Variants in EML4 observed in about 807,000 individuals in gnomAD.
The protein encoded by EML4 is echinoderm microtubule-associated protein-like 4.
EML4 carries 72 observed loss-of-function variants against 129.0 expected under a neutral mutation model. That is an observed-to-expected ratio of 0.56 (90% confidence interval 0.46 to 0.68). The LOEUF is 0.68. EML4 is among the 30% of genes least tolerant of loss of function. The pLI is 0.00. For synonymous variants in EML4, 532 were observed against 405.0 expected (o/e 1.31, Z -3.77); for missense variants, 1,363 against 1,190.6 (o/e 1.14, Z -2.13).
chr2:42,322,877 G>T (rs1669592196), intron 19 of EML4, among the ~76,000 whole-genome samples: 1 of 152,154 alleles, frequency 6.6e-6, no homozygotes, highest in African/African-American at 2.4e-5. Context: ...TGGAATTGAT[G>T]CCAGGCAGAA....
intron 1 of EML4, among the ~76,000 whole-genome samples, chr2:42,171,437 G>T (rs1572819089): frequency 6.6e-6 from 1 of 152,208 alleles, no homozygotes; most frequent in South Asian, 2.1e-4. Flanking sequence ...TTTCTCACCA[G>T]TTGGGGCACT....
At chr2:42,266,869 A>G (rs980453256) in intron 6 of EML4, among the ~76,000 whole-genome samples, 3 of 152,212 alleles carry the variant, frequency 2.0e-5, no homozygotes, top group Non-Finnish European at 2.9e-5. Flanking sequence ...TATGAAATAT[A>G]AATTGAAATA....
chr2:42,172,514 G>C (rs1670341018), intron 1 of EML4, among the ~76,000 whole-genome samples: 2 of 152,152 alleles, frequency 1.3e-5, no homozygotes, highest in African/African-American at 4.8e-5. Flanking sequence ...AACAAGTGAA[G>C]AATTCTTTTA....
At chr2:42,247,357 C>A (rs1441290275) in intron 2 of EML4, among the ~76,000 whole-genome samples, 1 of 152,078 alleles carries the variant, frequency 6.6e-6, no homozygotes, top group Non-Finnish European at 1.5e-5. Context: ...GAATGGAAGA[C>A]CGTAGACATT....
chr2:42,284,918 C>T (rs766819329), intron 9 of EML4, among the ~76,000 whole-genome samples: 2 of 152,132 alleles, frequency 1.3e-5, no homozygotes, highest in Admixed American at 6.5e-5. Context: ...TAAGTGTTCT[C>T]CCTTAAGAAG....
chr2:42,314,735 C>G (rs1422118473), intron 17 of EML4, among the ~76,000 whole-genome samples: 4 of 152,222 alleles, frequency 2.6e-5, no homozygotes, highest in Non-Finnish European at 5.9e-5. Context: ...ATTCTTCCAA[C>G]CAGCTGTGCA....
At chr2:42,223,034 C>T (rs556570465) in intron 1 of EML4, among the ~76,000 whole-genome samples, 2 of 152,178 alleles carry the variant, frequency 1.3e-5, no homozygotes, top group South Asian at 4.1e-4. Context: ...CTCCTGACCT[C>T]GTGATCCGCC....
chr2:42,240,777 C>T (rs531931867), intron 1 of EML4, among the ~76,000 whole-genome samples: 1 of 152,158 alleles, frequency 6.6e-6, no homozygotes, highest in Non-Finnish European at 1.5e-5. Context: ...CTAATCATCC[C>T]AAGCCTGATG....
intron 2 of EML4, among the ~76,000 whole-genome samples, chr2:42,255,084 T>G (rs977494680): frequency 2.0e-5 from 3 of 151,904 alleles, no homozygotes; most frequent in Admixed American, 1.3e-4. Flanking sequence ...TTTTTGTTTT[T>G]TTTTTCTTTT....
rs1314344077 is a variant in EML4 at position 42,259,044 on chromosome 2, T to G, written c.339-2077T>G. Among the ~76,000 whole-genome samples the G allele has an allele frequency of 2.6e-5, 4 of 152,050 alleles. No individual in the cohort carries two copies. The East Asian group carries it at 5.8e-4, about 22-fold the overall frequency. ...GGCGAATCAGCTGAGGTCAGGAGTT[T>G]GAGACCAGTCTGGCCAACATGGTGT... On this transcript the variant is annotated intron_variant, in intron 3 of 22. Transcript: ENST00000318522.
chr2:42,239,007 A>G (rs1357150887), intron 1 of EML4, among the ~76,000 whole-genome samples: 1 of 152,164 alleles, frequency 6.6e-6, no homozygotes, highest in East Asian at 1.9e-4. Context: ...CGGCTCACGC[A>G]ATCATCCTGC....
At chr2:42,254,364 G>C (rs952073310) in intron 2 of EML4, among the ~76,000 whole-genome samples, 3 of 151,494 alleles carry the variant, frequency 2.0e-5, no homozygotes, top group Admixed American at 6.6e-5. Flanking sequence ...GGCTGAGGTA[G>C]ACAGATGGAT....
intron 1 of EML4, among the ~76,000 whole-genome samples, chr2:42,212,248 T>A (rs1036795790): frequency 6.6e-6 from 1 of 152,202 alleles, no homozygotes; most frequent in Non-Finnish European, 1.5e-5. Context: ...GATAAAAATG[T>A]TTTTGTTGAT....
intron 1 of EML4, among the ~76,000 whole-genome samples, chr2:42,210,410 G>T (rs913782711): frequency 6.6e-6 from 1 of 152,150 alleles, no homozygotes; most frequent in East Asian, 1.9e-4. Flanking sequence ...AAGTATATGT[G>T]AGCAACATGA....
rs145957094 is a variant in EML4 at position 42,246,491 on chromosome 2, A to G, written c.208+804A>G. On this transcript the variant is annotated intron_variant, in intron 2 of 22. Coordinates refer to ENST00000318522, the MANE Select transcript of EML4 (RefSeq NM_019063.5). Reference sequence around the variant, plus strand: ...TTAACCTAGGGAGGAGTTTTATATAACTCCCAAATTCTAGCTGAGTAGGAG... The same window carrying G: ...TTAACCTAGGGAGGAGTTTTATATAGCTCCCAAATTCTAGCTGAGTAGGAG... 2.6e-5 allele frequency among the ~76,000 whole-genome samples: 4 copies of G among 152,254 alleles called. No individual in the cohort carries two copies. In the East Asian group the frequency reaches 5.8e-4, roughly 22 times the overall value.
chr2:42,216,534 C>A (rs1673205152), intron 1 of EML4, among the ~76,000 whole-genome samples: 1 of 152,080 alleles, frequency 6.6e-6, no homozygotes, highest in Non-Finnish European at 1.5e-5. Flanking sequence ...AGCCACCAGG[C>A]CCGGCCCATT....
At chr2:42,196,880 G>A (rs893497252) in intron 1 of EML4, among the ~76,000 whole-genome samples, 8 of 152,108 alleles carry the variant, frequency 5.3e-5, no homozygotes, top group African/African-American at 1.9e-4. Context: ...TCTACTGTGG[G>A]AAAGAGAAGG....
At chr2:42,258,179 T>A (rs1665468696) in intron 3 of EML4, among the ~76,000 whole-genome samples, 1 of 152,128 alleles carries the variant, frequency 6.6e-6, no homozygotes, top group South Asian at 2.1e-4. Flanking sequence ...TGCTTTTAAA[T>A]AACCCAGAAG....
At chr2:42,309,592 T>A (rs961096580) in intron 17 of EML4, among the ~76,000 whole-genome samples, 3 of 152,096 alleles carry the variant, frequency 2.0e-5, no homozygotes, top group Non-Finnish European at 4.4e-5. Context: ...GCCATCCTAG[T>A]GGGTGTGAAG....
Sources: allele counts gnomAD v4.1 joint callset (sites outside exome capture counted in the v4.1 genomes callset), GRCh38; gene constraint gnomAD v4.1.1; transcripts MANE v1.5; gene names NCBI Gene and HGNC (gene_info 2026-07-23, HGNC 2026-07-21).